Variants in EVC observed in about 807,000 individuals in gnomAD.
The protein encoded by EVC is EvC ciliary complex subunit 1.
A neutral mutation model predicts 118.9 loss-of-function variants in EVC; 116 were observed. The ratio of observed to expected loss-of-function variants is 0.98; its 90% CI spans 0.84 to 1.14. The LOEUF is 1.14. Ranked by LOEUF, EVC falls within the 50% of genes most tolerant of loss-of-function variation. EVC has a pLI of 0.00. For synonymous variants in EVC, 619 were observed against 534.7 expected (o/e 1.16, Z -2.18); for missense variants, 1,401 against 1,246.4 (o/e 1.12, Z -1.87).
intron 12 of EVC, among the ~76,000 whole-genome samples, chr4:5,787,660 TAA>T (rs1711944733): frequency 6.6e-6 from 1 of 152,148 alleles, no homozygotes; most frequent in Non-Finnish European, 1.5e-5. Context: ...AAATTTGTAA[TAA>T]AGTGTTATAG....
At chr4:5,825,282 T>C in the EVC span, 6 of 985,288 alleles carry the variant, frequency 6.1e-6, no homozygotes, top group South Asian at 2.8e-4. This position sits in a 1 kb window ranked among gnomAD's most constrained non-coding sequence, Gnocchi z 4.4. Flanking sequence ...GGTACCACCA[T>C]GTTGCCCCCC....
At position 5,753,047 on chromosome 4, in the gene EVC, G is replaced by T. The variant is rs1275747678; in HGVS notation, c.1310G>T (p.Ser437Ile). 6.3e-7 allele frequency: 1 copy of T among 1,588,078 alleles called. No individual in the cohort carries two copies. The highest frequency in any genetic ancestry group is 1.3e-5 in the African/African-American group (1 of 74,756). Residue 437 changes from serine to isoleucine, a missense_variant, in exon 9 of 21, where the codon AGC becomes ATC. Transcript: ENST00000264956. ...TTCTGGCAGGAGGCAGAGCGCTTCA[G>T]CCGGGGTGAGCCGTGGGCATGGGTG... Reference protein sequence around the residue: ...KAFWQEAERFSREFVQRGKDL... With the variant: ...KAFWQEAERFIREFVQRGKDL...
At chr4:5,796,431 A>G (rs1027817848) in intron 13 of EVC, among the ~76,000 whole-genome samples, 1 of 152,092 alleles carries the variant, frequency 6.6e-6, no homozygotes, top group Non-Finnish European at 1.5e-5. Context: ...TTACTTCTAG[A>G]AGGAATTTCG....
intron 12 of EVC, among the ~76,000 whole-genome samples, chr4:5,786,589 G>A (rs552712355): frequency 6.6e-6 from 1 of 152,080 alleles, no homozygotes; most frequent in Non-Finnish European, 1.5e-5. Context: ...ATTAACACAT[G>A]ATAGCCGGGT....
chr4:5,713,476 G>A (rs1723383937), intron 1 of EVC, among the ~76,000 whole-genome samples: 3 of 152,200 alleles, frequency 2.0e-5, no homozygotes, highest in Middle Eastern at 3.4e-3. Context: ...TCAGGAGTTC[G>A]AGACCAGCCT....
At chr4:5,771,814 G>C (rs537159769) in intron 11 of EVC, among the ~76,000 whole-genome samples, 29 of 152,288 alleles carry the variant, frequency 1.9e-4, no homozygotes, top group African/African-American at 6.5e-4. Flanking sequence ...AGGATGCAGG[G>C]ACTGAGAAAA....
At position 5,812,476 on chromosome 4, in the gene EVC, C is replaced by G. The variant is rs188270163; in HGVS notation, c.*1439C>G. ...GAGACCTTTTCTGCCTGGAGAGAAA[C>G]TTTCAGACCAGCCCCACACACCACA... On this transcript the variant is annotated 3_prime_UTR_variant, in exon 21 of 21. Coordinates refer to ENST00000264956, the MANE Select transcript of EVC (RefSeq NM_153717.3). The G allele has an allele frequency of 1.8e-5, 3 of 165,274 alleles. No homozygotes were observed. In the East Asian group the frequency reaches 5.7e-4, roughly 31 times the overall value. The allele number at this position is 165,274 out of a possible 1,614,324, so 10.2% of individuals were successfully genotyped here.
intron 2 of EVC, among the ~76,000 whole-genome samples, chr4:5,720,617 A>G (rs1294801621): frequency 6.6e-6 from 1 of 152,230 alleles, no homozygotes; most frequent in East Asian, 1.9e-4. Flanking sequence ...ACTCTGAACA[A>G]TCAGCTTTTG....
chr4:5,788,549 C>T (rs1404578836), intron 12 of EVC, among the ~76,000 whole-genome samples: 1 of 152,190 alleles, frequency 6.6e-6, no homozygotes, highest in Non-Finnish European at 1.5e-5. Flanking sequence ...TGCCAACCTG[C>T]CTTACCCACA....
chr4:5,821,595 C>A, the EVC span: 2 of 680,400 alleles, frequency 2.9e-6, no homozygotes, highest in South Asian at 3.7e-5. The surrounding 1 kb of genome is among the most constrained non-coding windows in gnomAD (Gnocchi z 4.4). Context: ...AAACACACCA[C>A]ACTAGTACCA....
chr4:5,825,178 T>A, the EVC span: 81 of 985,436 alleles, frequency 8.2e-5, no homozygotes, highest in Non-Finnish European at 9.2e-5. The surrounding 1 kb of genome is among the most constrained non-coding windows in gnomAD (Gnocchi z 4.4). Flanking sequence ...ACTCCATGTT[T>A]ACTTTCATGA....
chr4:5,726,583 T>TA (rs1553864296), intron 2 of EVC, among the ~76,000 whole-genome samples: 1 of 148,222 alleles, frequency 6.7e-6, no homozygotes, highest in East Asian at 2.0e-4. Context: ...TTTTTTTTTT[T>TA]ATTATACTTT....
chr4:5,798,913 G>C lies in EVC; in HGVS notation c.2304+121G>C. ...GCTTGTGGCCTAGTAGACTTTGCCTGACTTCTCCATGACTTGATTTTCTCA... is the reference window on the plus strand; with the variant it reads ...GCTTGTGGCCTAGTAGACTTTGCCTCACTTCTCCATGACTTGATTTTCTCA... On this transcript the variant is annotated intron_variant, in intron 15 of 20. Coordinates refer to ENST00000264956, the MANE Select transcript of EVC (RefSeq NM_153717.3). This position sits in a 1 kb window ranked among gnomAD's most constrained non-coding sequence, Gnocchi z 4.1. The C allele has an allele frequency of 9.2e-7, 1 of 1,081,850 alleles. No individual in the cohort carries two copies. The highest frequency in any genetic ancestry group is 1.4e-6 in the Non-Finnish European group (1 of 721,160). 67.0% of individuals were successfully genotyped at this position (1,081,850 alleles called of 1,614,324 possible).
At chr4:5,744,790 C>T (rs1369725181) in intron 6 of EVC, among the ~76,000 whole-genome samples, 2 of 152,150 alleles carry the variant, frequency 1.3e-5, no homozygotes, top group Non-Finnish European at 2.9e-5. Flanking sequence ...AGTTTCTGGC[C>T]TTTAAACCAA....
At position 5,741,733 on chromosome 4, in the gene EVC, T is replaced by C; in HGVS notation, c.720T>C (p.Phe240=). ...QEKHMMFIQI[F]KMCLLDLLPK... ...GGCAATAGATGTTTATTCAGATTTTTAAAATGTGCCTCCTTGACCTTCTTC... is the reference window on the plus strand; with the variant it reads ...GGCAATAGATGTTTATTCAGATTTTCAAAATGTGCCTCCTTGACCTTCTTC... The change falls in exon 6 of 21, where the codon TTT becomes TTC. Residue 240 remains phenylalanine (F), a synonymous_variant. Coordinates refer to ENST00000264956, the MANE Select transcript of EVC (RefSeq NM_153717.3). 6.4e-7 allele frequency: 1 copy of C among 1,570,040 alleles called. No homozygotes were observed. Among genetic ancestry groups the C allele is most frequent in the Non-Finnish European group, 8.8e-7 (1 of 1,141,050 alleles).
At chr4:5,826,010 C>A in the EVC span, 1 of 289,700 alleles carries the variant, frequency 3.5e-6, no homozygotes, top group Non-Finnish European at 5.8e-6. Flanking sequence ...CGTGAACACG[C>A]ACACACACTT....
chr4:5,779,685 T>G (rs1413159990), intron 11 of EVC, among the ~76,000 whole-genome samples: 1 of 111,798 alleles, frequency 8.9e-6, no homozygotes, highest in East Asian at 2.1e-4. Flanking sequence ...TTTTGTACAT[T>G]GATTTTGTAT....
At chr4:5,724,847 A>G (rs545529621) in intron 2 of EVC, among the ~76,000 whole-genome samples, 31 of 152,176 alleles carry the variant, frequency 2.0e-4, no homozygotes, top group African/African-American at 7.0e-4. Flanking sequence ...CCCAGCATGC[A>G]CTAGCTATTC....
rs566966711 is a variant in EVC at position 5,798,553 on chromosome 4, C to T, written c.2098-33C>T. 34 of 1,544,008 alleles carry T rather than the reference C, an allele frequency of 2.2e-5. No individual in the cohort carries two copies. The Admixed American group carries it at 6.7e-4, about 30-fold the overall frequency. On this transcript the variant is annotated intron_variant, in intron 14 of 20. Coordinates refer to ENST00000264956, the MANE Select transcript of EVC (RefSeq NM_153717.3). This position sits in a 1 kb window ranked among gnomAD's most constrained non-coding sequence, Gnocchi z 4.1. ...CCAGAGCTTCTCTGTGAGAGGAGCA[C>T]TTGGCCCCTGCTCCCAGTCCTTTCC...
Sources: gnomAD v4.1 joint callset for allele counts (sites outside exome capture counted in the v4.1 genomes callset) on GRCh38, gnomAD v4.1.1 for gene constraint, Gnocchi (gnomAD v3.1) non-coding constraint, MANE v1.5 for transcripts, NCBI Gene and HGNC (gene_info 2026-07-23, HGNC 2026-07-21) for gene names.